Variants in CHD9 observed in about 807,000 individuals in gnomAD.
CHD9 encodes chromodomain helicase DNA binding protein 9, also known as ATP-dependent chromatin remodeler CHD9.
In CHD9, 77 loss-of-function variants were observed where a neutral mutation model predicts 316.1. The ratio of observed to expected loss-of-function variants is 0.24; its 90% CI spans 0.20 to 0.29. The LOEUF (loss-of-function observed/expected upper bound fraction) is 0.29, where lower values mean the gene tolerates loss of function less well. Ranked by LOEUF, CHD9 falls within the 10% of genes least tolerant of loss-of-function variation. The probability of loss-of-function intolerance (pLI) is 1.00; values close to 1 mark genes in which losing one functional copy is unlikely to be tolerated. For synonymous variants in CHD9, 1,129 were observed against 1,158.3 expected (o/e 0.97, Z 0.51); for missense variants, 2,763 against 3,438.1 (o/e 0.80, Z 4.91).
At chr16:53,229,951 C>CATGTGT (rs2048024688) in intron 8 of CHD9, among the ~76,000 whole-genome samples, 1 of 151,946 alleles carries the variant, frequency 6.6e-6, no homozygotes, top group South Asian at 2.1e-4. Flanking sequence ...TGTATGTGTG[C>CATGTGT]ATGTGTATGT....
At chr16:53,211,732 A>T (rs2046350255) in intron 3 of CHD9, among the ~76,000 whole-genome samples, 1 of 72,482 alleles carries the variant, frequency 1.4e-5, no homozygotes, top group Non-Finnish European at 3.1e-5. Flanking sequence ...AAACAGTGTC[A>T]ATCATTTATA....
At position 53,285,584 on chromosome 16, in the gene CHD9, AT is replaced by A; in HGVS notation, c.4968-5del. On this transcript the variant is annotated splice_polypyrimidine_tract_variant and intron_variant, in intron 24 of 38. Coordinates refer to ENST00000447540, the MANE Select transcript of CHD9 (RefSeq NM_001308319.2). Reference sequence around the variant, plus strand: ...TAATAATTCATAATGCCATATTATGATTTTTTTAAAGTGACATTGATGTTTG... The same window carrying A: ...TAATAATTCATAATGCCATATTATGATTTTTTAAAGTGACATTGATGTTTG... 2 of 1,549,448 alleles carry A rather than the reference AT, an allele frequency of 1.3e-6. No homozygotes were observed. The highest frequency in any genetic ancestry group is 8.8e-7 in the Non-Finnish European group (1 of 1,136,014).
At position 53,148,705 on chromosome 16, in the gene CHD9, A is replaced by T. The variant is rs569000450; in HGVS notation, c.-164-7221A>T. Among the ~76,000 whole-genome samples the T allele has an allele frequency of 7.9e-5, 12 of 152,232 alleles. No homozygotes were observed. The East Asian group carries it at 1.9e-3, about 24-fold the overall frequency. On this transcript the variant is annotated intron_variant, in intron 1 of 38. Transcript: ENST00000447540. ...AAATTGGGTTGTCTTTCTGATACTG[A>T]GTTGTAGGAGTTCTTTAAAAATTCT...
chr16:53,271,950 T>C (rs1260640485), intron 22 of CHD9, among the ~76,000 whole-genome samples: 1 of 152,086 alleles, frequency 6.6e-6, no homozygotes, highest in African/African-American at 2.4e-5. Context: ...GAACTATTTA[T>C]CATTCCAGCA....
chr16:53,273,968 C>T (rs2052544568), intron 23 of CHD9, among the ~76,000 whole-genome samples, 183 bp downstream of exon 23: 1 of 152,088 alleles, frequency 6.6e-6, no homozygotes, highest in Admixed American at 6.6e-5. Flanking sequence ...TTCTCACCAA[C>T]AGATAAGTAA....
intron 1 of CHD9, among the ~76,000 whole-genome samples, chr16:53,133,798 C>T (rs1040880335): frequency 6.6e-6 from 1 of 152,156 alleles, no homozygotes; most frequent in Non-Finnish European, 1.5e-5. Context: ...TTACAAACTT[C>T]TTATCTAATG....
intron 1 of CHD9, among the ~76,000 whole-genome samples, chr16:53,116,218 T>A (rs1256290117): frequency 6.6e-6 from 1 of 152,102 alleles, no homozygotes; most frequent in African/African-American, 2.4e-5. Flanking sequence ...TGCCACTACA[T>A]CCGGCTAATT....
At chr16:53,134,956 T>A (rs2039607305) in intron 1 of CHD9, among the ~76,000 whole-genome samples, 1 of 152,114 alleles carries the variant, frequency 6.6e-6, no homozygotes, top group Non-Finnish European at 1.5e-5. Flanking sequence ...AAATTACAAC[T>A]TATGATCAGT....
chr16:53,179,409 A>G (rs2043322152), intron 2 of CHD9, among the ~76,000 whole-genome samples: 1 of 152,110 alleles, frequency 6.6e-6, no homozygotes, highest in Admixed American at 6.5e-5. Context: ...ACTATTTAAA[A>G]TTGTTGGAGC....
At chr16:53,251,178 T>C (rs1380901431) in intron 17 of CHD9, among the ~76,000 whole-genome samples, 1 of 152,192 alleles carries the variant, frequency 6.6e-6, no homozygotes, top group Non-Finnish European at 1.5e-5. Context: ...GTCATAATCC[T>C]TTAAAAAGGT....
At chr16:53,206,359 G>GAAA (rs77414875) in intron 2 of CHD9, among the ~76,000 whole-genome samples, 3 of 121,898 alleles carry the variant, frequency 2.5e-5, no homozygotes, top group Admixed American at 8.1e-5. Flanking sequence ...AGGGCACCGG[G>GAAA]AAAAAAAAAA....
intron 24 of CHD9, among the ~76,000 whole-genome samples, chr16:53,283,007 C>G (rs1052687438): frequency 2.0e-5 from 3 of 152,136 alleles, no homozygotes; most frequent in African/African-American, 7.2e-5. Flanking sequence ...TAGCCCATGT[C>G]TCTCTTCTGA....
chr16:53,135,426 A>G (rs2039642276), intron 1 of CHD9, among the ~76,000 whole-genome samples: 1 of 152,222 alleles, frequency 6.6e-6, no homozygotes, highest in Non-Finnish European at 1.5e-5. Flanking sequence ...ACAGTAGTCC[A>G]GGAAAAACAT....
chr16:53,077,795 C>CCCTGTG (rs1304565078), intron 1 of CHD9, among the ~76,000 whole-genome samples: 1 of 151,960 alleles, frequency 6.6e-6, no homozygotes, highest in African/African-American at 2.4e-5. Context: ...GCAATGCGAC[C>CCCTGTG]CAGTGCAGTG....
intron 16 of CHD9, 171 bp downstream of exon 16, chr16:53,247,674 C>T: frequency 3.4e-6 from 2 of 583,530 alleles, no homozygotes; most frequent in South Asian, 4.5e-5. Context: ...ATTTTCCTAA[C>T]CTGCATATGT....
intron 24 of CHD9, among the ~76,000 whole-genome samples, chr16:53,278,270 A>G (rs2053060394): frequency 6.6e-6 from 1 of 152,166 alleles, no homozygotes; most frequent in African/African-American, 2.4e-5. Context: ...CCTAAAATTC[A>G]TATGGAATGA....
At chr16:53,301,954 G>T (rs1487821152) in intron 30 of CHD9, among the ~76,000 whole-genome samples, 1 of 151,558 alleles carries the variant, frequency 6.6e-6, no homozygotes. Flanking sequence ...TAGTAGAGAC[G>T]GGGTTTCACC....
intron 7 of CHD9, 59 bp from the exon 8 acceptor site, chr16:53,228,924 A>G: frequency 1.3e-6 from 1 of 786,350 alleles, no homozygotes; most frequent in Non-Finnish European, 2.0e-6. Context: ...ATGATTTAAA[A>G]TACATCTTAA....
chr16:53,207,069 T>G (rs748741197), intron 2 of CHD9, among the ~76,000 whole-genome samples: 1 of 152,204 alleles, frequency 6.6e-6, no homozygotes, highest in Admixed American at 6.5e-5. Context: ...GTTTCTGTTT[T>G]GAGGCCTTTG....
Sources: allele counts gnomAD v4.1 joint callset (sites outside exome capture counted in the v4.1 genomes callset), GRCh38; gene constraint gnomAD v4.1.1; transcripts MANE v1.5; gene names NCBI Gene and HGNC (gene_info 2026-07-23, HGNC 2026-07-21).